LLPH: variants seen among roughly 807,000 people sequenced by gnomAD.
LLPH encodes LLP homolog, long-term synaptic facilitation factor, also known as protein LLP homolog.
In LLPH, 5 loss-of-function variants were observed where a neutral mutation model predicts 13.3. The ratio of observed to expected loss-of-function variants is 0.38; its 90% confidence interval spans 0.20 to 0.79. The LOEUF (loss-of-function observed/expected upper bound fraction) is 0.79, where lower values mean the gene tolerates loss of function less well. LLPH is among the 30% of genes least tolerant of loss of function. LLPH has a pLI of 0.45. For missense variants in LLPH, 129 were observed against 152.1 expected, an observed-to-expected ratio of 0.85 and a Z score of 0.80; for synonymous variants, 32 against 44.2, an observed-to-expected ratio of 0.72 and a Z score of 1.09.
chr12:66,123,566 A>G lies in LLPH; in HGVS notation c.*274T>C, dbSNP rs141287101. ...TAAGAACAATTCTAACCATATTAATACCTGACAGAACGTTGAGGCCTGATT... is the reference window on the plus strand; with the variant it reads ...TAAGAACAATTCTAACCATATTAATGCCTGACAGAACGTTGAGGCCTGATT... On this transcript the variant is annotated 3_prime_UTR_variant, in exon 3 of 3. Coordinates refer to ENST00000266604, the MANE Select transcript of LLPH (RefSeq NM_032338.4). 2.4e-6 allele frequency: 1 copy of G among 422,656 alleles called. No homozygotes were observed. Among genetic ancestry groups the G allele is most frequent in the East Asian group, 4.0e-5 (1 of 25,178 alleles). 26.2% of individuals were successfully genotyped at this position (422,656 alleles called of 1,614,324 possible). A position where few individuals can be genotyped will look rare whatever the true frequency, so the allele number is the denominator to read the frequency against.
chr12:66,117,215 C>T lies in LLPH; in HGVS notation c.*6625G>A, dbSNP rs2051434078. 1 of 152,206 alleles carries T rather than the reference C, an allele frequency of 6.6e-6. No individual in the cohort carries two copies. The highest frequency in any genetic ancestry group is 2.1e-4 in the South Asian group (1 of 4,830). The allele number at this position is 152,206 out of a possible 1,614,324, so 9.4% of individuals were successfully genotyped here. ...AATATTCAAAAGAAAACTACAGTTG[C>T]ATCTGTACTGAACATGTACCGACTT... is the stretch of plus-strand genomic sequence containing the variant. On this transcript the variant is annotated 3_prime_UTR_variant, in exon 3 of 3. Coordinates refer to ENST00000266604, the MANE Select transcript of LLPH (RefSeq NM_032338.4).
In LLPH at chr12:66,123,607, G is replaced by A; in HGVS notation, c.*233C>T. The A allele has an allele frequency of 1.9e-6, 1 of 522,262 alleles. No homozygotes were observed. The highest frequency in any genetic ancestry group is 3.4e-6 in the Non-Finnish European group (1 of 295,770). The allele number at this position is 522,262 out of a possible 1,614,324, so 32.4% of individuals were successfully genotyped here. ...AGGCCTGATTATAACTGGATATTGG[G>A]TAGCATCCAGTTAAAGTATCAGTAG... is the stretch of plus-strand genomic sequence containing the variant. On this transcript the variant is annotated 3_prime_UTR_variant, in exon 3 of 3. Transcript: ENST00000266604.
Position 66,121,746 on chromosome 12 carries a change from T to G in LLPH, c.*2094A>C, listed in dbSNP as rs2136826684. ...CAAAAATACAAAAATTAGCTGGGCGTGGTGGCACCCACCTGTAGTCCCAGC... is the reference window on the plus strand; with the variant it reads ...CAAAAATACAAAAATTAGCTGGGCGGGGTGGCACCCACCTGTAGTCCCAGC... On this transcript the variant is annotated 3_prime_UTR_variant, in exon 3 of 3. Transcript: ENST00000266604. 2 of 151,740 alleles carry G rather than the reference T, an allele frequency of 1.3e-5. No individual in the cohort carries two copies. Among genetic ancestry groups the G allele is most frequent in the Admixed American group, 1.3e-4 (2 of 15,254 alleles). 9.4% of individuals were successfully genotyped at this position (151,740 alleles called of 1,614,324 possible). A position where few individuals can be genotyped will look rare whatever the true frequency, so the allele number is the denominator to read the frequency against.
intron 2 of LLPH, among the ~76,000 whole-genome samples, chr12:66,128,598 T>G (rs1364637903): frequency 6.6e-6 from 1 of 152,160 alleles, no homozygotes; most frequent in Non-Finnish European, 1.5e-5. Flanking sequence ...TGGAGGCTAT[T>G]GTATAAGCAC....
intron 1 of LLPH, among the ~76,000 whole-genome samples, chr12:66,129,438 T>C (rs944752801): frequency 2.6e-5 from 4 of 151,320 alleles, no homozygotes; most frequent in Non-Finnish European, 4.4e-5. Flanking sequence ...CAGGCTGGAG[T>C]GCAGTGGCGC....
chr12:66,130,128 T>C (rs1397684186), intron 1 of LLPH, among the ~76,000 whole-genome samples: 4 of 152,198 alleles, frequency 2.6e-5, no homozygotes, highest in East Asian at 1.9e-4. Flanking sequence ...GCTGTCCCTA[T>C]GCCTGGCAAC....
rs779485438 is a variant in LLPH at position 66,128,917 on chromosome 12, A to G, written c.190T>C (p.Cys64Arg). The change falls in exon 2 of 3, where the codon TGT (cysteine) becomes CGT (arginine). Residue 64 changes from cysteine to arginine, a missense_variant. Coordinates refer to ENST00000266604, the MANE Select transcript of LLPH (RefSeq NM_032338.4). ...TCACCTTTTTCATCTTTTACCTCAC[A>G]TTGCATTTTCTCTTGGCAATGTTTG... Reference protein sequence around the residue: ...KPKHCQEKMQCEVKDEKDDMK... With the variant: ...KPKHCQEKMQREVKDEKDDMK... 29 of 1,612,034 alleles carry G rather than the reference A, an allele frequency of 1.8e-5. No homozygotes were observed. In the East Asian group the frequency reaches 4.2e-4, roughly 24 times the overall value.
chr12:66,122,052 A>G lies in LLPH; in HGVS notation c.*1788T>C, dbSNP rs1344578655. The G allele has an allele frequency of 6.6e-6, 1 of 152,156 alleles. No homozygotes were observed. The highest frequency in any genetic ancestry group is 1.5e-5 in the Non-Finnish European group (1 of 68,014). 9.4% of individuals were successfully genotyped at this position (152,156 alleles called of 1,614,324 possible). The stretch of plus-strand genomic sequence containing the variant: ...TATTCATACCTACACCAAAGGCAAC[A>G]AAGATCATGAATGACATCTTTCAAT... On this transcript the variant is annotated 3_prime_UTR_variant, in exon 3 of 3. Transcript: ENST00000266604.
intron 1 of LLPH, among the ~76,000 whole-genome samples, chr12:66,129,389 TC>T (rs2051519221): frequency 6.7e-6 from 1 of 148,882 alleles, no homozygotes; most frequent in African/African-American, 2.5e-5. Flanking sequence ...ATGTCTTTTT[TC>T]TTTTTTTTTT....
chr12:66,124,574 G>A (rs1442503028), intron 2 of LLPH, among the ~76,000 whole-genome samples: 1 of 152,158 alleles, frequency 6.6e-6, no homozygotes, highest in Non-Finnish European at 1.5e-5. Context: ...GACTTGGCAG[G>A]AAGCTCAGTG....
At chr12:66,125,515 C>A (rs2051490646) in intron 2 of LLPH, among the ~76,000 whole-genome samples, 1 of 152,122 alleles carries the variant, frequency 6.6e-6, no homozygotes, top group South Asian at 2.1e-4. Context: ...TGGGGAGACT[C>A]CCTCAGTCTC....
rs1244304809 is a variant in LLPH at position 66,121,113 on chromosome 12, C to T, written c.*2727G>A. On this transcript the variant is annotated 3_prime_UTR_variant, in exon 3 of 3. Coordinates refer to ENST00000266604, the MANE Select transcript of LLPH (RefSeq NM_032338.4). Reference sequence around the variant, plus strand: ...TGACTGGACACAATGAAGTGAAAATCCTAACATCAGAGAGGCTCTGGATGA... The same window carrying T: ...TGACTGGACACAATGAAGTGAAAATTCTAACATCAGAGAGGCTCTGGATGA... 1 of 152,068 alleles carries T rather than the reference C, an allele frequency of 6.6e-6. No individual in the cohort carries two copies. Among genetic ancestry groups the T allele is most frequent in the Admixed American group, 6.6e-5 (1 of 15,266 alleles). The allele number at this position is 152,068 out of a possible 1,614,324, so 9.4% of individuals were successfully genotyped here. A position where few individuals can be genotyped will look rare whatever the true frequency, so the allele number is the denominator to read the frequency against.
Position 66,129,060 on chromosome 12 carries a change from T to C in LLPH, c.47A>G (p.Glu16Gly), listed in dbSNP as rs764231196. The C allele has an allele frequency of 1.9e-5, 30 of 1,612,994 alleles. 2 individuals are homozygous for C. The South Asian group carries it at 2.8e-4, about 15-fold the overall frequency. ...RSKWKRKMRAEKRKKNAPKEA... is the reference protein window; with the variant it reads ...RSKWKRKMRAGKRKKNAPKEA... ...CTTTGGGGCATTCTTTTTTCTCTTT[T>C]CAGCACGCATCTTTCTTTTCCACTT... Residue 16 changes from glutamate (E) to glycine (G), a missense_variant, in exon 2 of 3, where the codon GAA (glutamate) becomes GGA (glycine). Transcript: ENST00000266604.
In LLPH at chr12:66,120,161, A is replaced by G. The variant is rs2051454221; in HGVS notation, c.*3679T>C. ...AATGAAGTGTCACCTGAGGAAATCC[A>G]GTCTGCCTTAGGCCTAGAGATTTGA... is the stretch of plus-strand genomic sequence containing the variant. On this transcript the variant is annotated 3_prime_UTR_variant, in exon 3 of 3. Coordinates refer to ENST00000266604, the MANE Select transcript of LLPH (RefSeq NM_032338.4). 1 of 152,248 alleles carries G rather than the reference A, an allele frequency of 6.6e-6. No homozygotes were observed. Among genetic ancestry groups the G allele is most frequent in the African/African-American group, 2.4e-5 (1 of 41,458 alleles). The allele number at this position is 152,248 out of a possible 1,614,324, so 9.4% of individuals were successfully genotyped here.
rs1378574587 is a variant in LLPH, at chr12:66,128,909, T to A, written c.198A>T (p.Val66=). 1.2e-6 allele frequency: 2 copies of A among 1,610,496 alleles called. No individual in the cohort carries two copies. The highest frequency in any genetic ancestry group is 1.7e-6 in the Non-Finnish European group (2 of 1,177,594). ...AAGCACACTCACCTTTTTCATCTTT[T>A]ACCTCACATTGCATTTTCTCTTGGC... is the stretch of plus-strand genomic sequence containing the variant. ...KHCQEKMQCE[V]KDEKDDMKME... is the part of the protein sequence containing the mutation. Residue 66 remains valine (V), a synonymous_variant, in exon 2 of 3, where the codon GTA becomes GTT. Transcript: ENST00000266604.
Position 66,128,916 on chromosome 12 carries a change from C to A in LLPH, c.191G>T (p.Cys64Phe). The change falls in exon 2 of 3, where the codon TGT (cysteine) becomes TTT (phenylalanine). Residue 64 changes from cysteine to phenylalanine, a missense_variant. Transcript: ENST00000266604. ...CTCACCTTTTTCATCTTTTACCTCA[C>A]ATTGCATTTTCTCTTGGCAATGTTT... Reference protein sequence around the residue: ...KPKHCQEKMQCEVKDEKDDMK... With the variant: ...KPKHCQEKMQFEVKDEKDDMK... 2 of 1,605,594 alleles carry A rather than the reference C, an allele frequency of 1.2e-6. No homozygotes were observed. Among genetic ancestry groups the A allele is most frequent in the Non-Finnish European group, 1.7e-6 (2 of 1,173,428 alleles).
intron 2 of LLPH, among the ~76,000 whole-genome samples, chr12:66,126,346 A>AG (rs1046137691): frequency 6.6e-6 from 1 of 151,462 alleles, no homozygotes; most frequent in African/African-American, 2.4e-5. Context: ...TAAAAAAAAA[A>AG]AGAAAAACTT....
In LLPH at chr12:66,123,586, C is replaced by T; in HGVS notation, c.*254G>A. On this transcript the variant is annotated 3_prime_UTR_variant, in exon 3 of 3. Coordinates refer to ENST00000266604, the MANE Select transcript of LLPH (RefSeq NM_032338.4). ...TTAATACCTGACAGAACGTTGAGGC[C>T]TGATTATAACTGGATATTGGGTAGC... 2.1e-6 allele frequency: 1 copy of T among 471,904 alleles called. No individual in the cohort carries two copies. The highest frequency in any genetic ancestry group is 3.7e-6 in the Non-Finnish European group (1 of 267,486). The allele number at this position is 471,904 out of a possible 1,614,324, so 29.2% of individuals were successfully genotyped here.
chr12:66,126,541 G>T (rs1409953129), intron 2 of LLPH, among the ~76,000 whole-genome samples: 1 of 151,984 alleles, frequency 6.6e-6, no homozygotes, highest in Non-Finnish European at 1.5e-5. Context: ...TTAACAACCC[G>T]ATAATAAAAA....
Sources: gnomAD v4.1 joint callset for allele counts (sites outside exome capture counted in the v4.1 genomes callset) on GRCh38, gnomAD v4.1.1 for gene constraint, MANE v1.5 for transcripts, NCBI Gene and HGNC (gene_info 2026-07-23, HGNC 2026-07-21) for gene names.